Variants in OTOG observed in about 807,000 individuals in gnomAD.
OTOG encodes otogelin.
A neutral mutation model predicts 313.8 loss-of-function variants in OTOG; 296 were observed. The observed-to-expected ratio is 0.94, with a 90% CI of 0.86 to 1.04. The LOEUF is 1.04. Among genes scored for constraint, OTOG ranks in the 50% least tolerant of loss-of-function variants. OTOG has a pLI of 0.00. For synonymous variants in OTOG, 1,533 were observed against 1,554.9 expected, an observed-to-expected ratio of 0.99 and a Z score of 0.33; for missense variants, 3,948 against 3,840.1, an observed-to-expected ratio of 1.03 and a Z score of -0.74.
chr11:17,591,640 C>A lies in OTOG; in HGVS notation c.3006+52C>A, dbSNP rs113025364. 8.3e-4 allele frequency: 1,284 copies of A among 1,542,252 alleles called. 9 individuals carry two copies. In the African/African-American group the frequency reaches 0.015, roughly 18 times the overall value. On this transcript the variant is annotated intron_variant, in intron 25 of 55. Coordinates refer to ENST00000399397, the MANE Select transcript of OTOG (RefSeq NM_001292063.2). ...TTGGCTCCATGCACAGCTGTCAGGG[C>A]ACTCTGGTGCTCTGGACTCCAGTTT...
chr11:17,609,719 A>G lies in OTOG; in HGVS notation c.4419A>G (p.Gln1473=). 1 of 1,539,142 alleles carries G rather than the reference A, an allele frequency of 6.5e-7. No homozygotes were observed. The highest frequency in any genetic ancestry group is 8.8e-7 in the Non-Finnish European group (1 of 1,141,138). ...ALGNETLPPS[Q]GLPTPSDEEP... The stretch of plus-strand genomic sequence containing the variant: ...GCAATGAGACCCTCCCTCCCAGTCA[A>G]GGGTTGCCCACTCCCAGTGATGAGG... The change falls in exon 36 of 56, where the codon CAA becomes CAG. Residue 1473 remains glutamine (Q), a synonymous_variant. Transcript: ENST00000399397.
intron 39 of OTOG, among the ~76,000 whole-genome samples, chr11:17,622,765 T>C (rs1230623683): frequency 6.6e-6 from 1 of 152,268 alleles, no homozygotes; most frequent in Non-Finnish European, 1.5e-5. Context: ...GATGGACATT[T>C]ACATTGCTTC....
chr11:17,586,710 T>A, intron 24 of OTOG, 129 bp downstream of exon 24: 1 of 487,114 alleles, frequency 2.1e-6, no homozygotes, highest in East Asian at 3.6e-5. Context: ...GTTTGTGTGT[T>A]GTGTGTGGTA....
intron 53 of OTOG, 32 bp downstream of exon 53, chr11:17,642,278 G>A: frequency 6.5e-7 from 1 of 1,530,674 alleles, no homozygotes; most frequent in Non-Finnish European, 8.8e-7. Context: ...GAGGCTGTAG[G>A]CCAGGGGCAT....
intron 39 of OTOG, among the ~76,000 whole-genome samples, chr11:17,617,657 A>T (rs1194813338): frequency 6.6e-6 from 1 of 152,322 alleles, no homozygotes; most frequent in Non-Finnish European, 1.5e-5. Context: ...TATGTGCCAT[A>T]TCTAATTCCT....
At chr11:17,588,914 A>C (rs1172305666) in intron 24 of OTOG, among the ~76,000 whole-genome samples, 1 of 151,966 alleles carries the variant, frequency 6.6e-6, no homozygotes, top group African/African-American at 2.4e-5. Context: ...TCAATCCTGC[A>C]ACCCCACAGG....
intron 40 of OTOG, among the ~76,000 whole-genome samples, chr11:17,630,256 C>A (rs899587907): frequency 1.3e-5 from 2 of 152,190 alleles, no homozygotes; most frequent in African/African-American, 4.8e-5. Context: ...CCCACCACCA[C>A]CAACACCATC....
In OTOG at chr11:17,573,307, T is replaced by C. The variant is rs1416250492; in HGVS notation, c.2293+17T>C. 6.0e-6 allele frequency: 9 copies of C among 1,506,992 alleles called. No individual in the cohort carries two copies. Among genetic ancestry groups the C allele is most frequent in the Non-Finnish European group, 8.0e-6 (9 of 1,128,250 alleles). 93.4% of individuals were successfully genotyped at this position (1,506,992 alleles called of 1,614,324 possible). A position where few individuals can be genotyped will look rare whatever the true frequency, so the allele number is the denominator to read the frequency against. On this transcript the variant is annotated intron_variant, in intron 19 of 55. Transcript: ENST00000399397. Reference sequence around the variant, plus strand: ...CAGCCTGTGGTGAGTGCCCCACCCATGTGAGGCTGAGCTGGAGGAGCCAGA... The same window carrying C: ...CAGCCTGTGGTGAGTGCCCCACCCACGTGAGGCTGAGCTGGAGGAGCCAGA...
intron 15 of OTOG, among the ~76,000 whole-genome samples, chr11:17,566,906 T>TC (rs1852303763): frequency 6.6e-6 from 1 of 152,228 alleles, no homozygotes; most frequent in Non-Finnish European, 1.5e-5. Context: ...CATCCTGGGA[T>TC]CCCCTCCTAC....
intron 9 of OTOG, 66 bp from the exon 10 acceptor site, chr11:17,558,472 G>A (rs1852102786): frequency 6.5e-7 from 1 of 1,535,732 alleles, no homozygotes; most frequent in South Asian, 1.2e-5. Context: ...CTCAAGTTGG[G>A]GTTCTGTGTG....
intron 14 of OTOG, 72 bp from the exon 15 acceptor site, chr11:17,561,590 T>C (rs928837362): frequency 6.7e-7 from 1 of 1,491,000 alleles, no homozygotes; most frequent in Non-Finnish European, 9.1e-7. Flanking sequence ...GTCCTCCTCA[T>C]ACTTGGAGCT....
intron 39 of OTOG, among the ~76,000 whole-genome samples, chr11:17,620,566 T>C (rs80349916): frequency 2.0e-5 from 3 of 152,372 alleles, no homozygotes; most frequent in Admixed American, 6.5e-5. Context: ...CTATCTTTTA[T>C]CTTGCTTATT....
In OTOG at chr11:17,631,749, T is replaced by C; in HGVS notation, c.6760T>C (p.Ser2254Pro). The C allele has an allele frequency of 6.4e-7, 1 of 1,550,590 alleles. No homozygotes were observed. The highest frequency in any genetic ancestry group is 8.7e-7 in the Non-Finnish European group (1 of 1,147,002). Residue 2254 changes from serine (S) to proline (P), a missense_variant, in exon 41 of 56, where the codon TCA becomes CCA. By Grantham distance (74) the Ser-to-Pro change is moderately conservative (BLOSUM62 -1). Coordinates refer to ENST00000399397, the MANE Select transcript of OTOG (RefSeq NM_001292063.2). Reference protein sequence around the residue: ...AANDLTLKDGSVVGGAEDPAP... With the variant: ...AANDLTLKDGPVVGGAEDPAP... ...CAATGACCTTACCCTGAAGGATGGC[T>C]CAGTGGTGGGTGGGGCTGAGGACCC...
chr11:17,634,601 A>G lies in OTOG; in HGVS notation c.7481-243A>G, dbSNP rs11024349. On this transcript the variant is annotated intron_variant, in intron 44 of 55. Coordinates refer to ENST00000399397, the MANE Select transcript of OTOG (RefSeq NM_001292063.2). ...CATGAGCTGAAGATCGATCGGGCCC[A>G]TCTTTGGGGTTGCTGTGAGATGGGG... Among the ~76,000 whole-genome samples the G allele has an allele frequency of 0.14, 20,782 of 152,088 alleles. 1,572 individuals are homozygous for G. Among genetic ancestry groups the G allele is most frequent in the Non-Finnish European group, 0.18 (12,115 of 67,958 alleles).
intron 39 of OTOG, among the ~76,000 whole-genome samples, chr11:17,621,049 C>T (rs958817689): frequency 2.0e-5 from 3 of 152,068 alleles, no homozygotes; most frequent in South Asian, 4.1e-4. Context: ...TTTGTATTTC[C>T]TTGTCTACCG....
intron 8 of OTOG, 50 bp downstream of exon 8, chr11:17,557,373 C>A: frequency 6.6e-7 from 1 of 1,516,962 alleles, no homozygotes; most frequent in Non-Finnish European, 8.9e-7. Flanking sequence ...GGATGGGGGA[C>A]AGGTCAGGCT....
intron 15 of OTOG, among the ~76,000 whole-genome samples, chr11:17,567,617 T>C (rs760030521): frequency 1.3e-5 from 2 of 152,206 alleles, no homozygotes; most frequent in African/African-American, 2.4e-5. Flanking sequence ...GGACTGGAGT[T>C]ACAGGCGTAA....
chr11:17,613,229 TTC>T (rs1199609997), intron 38 of OTOG, among the ~76,000 whole-genome samples: 1 of 134,686 alleles, frequency 7.4e-6, no homozygotes, highest in African/African-American at 3.0e-5. Flanking sequence ...CTTTCTTTCT[TTC>T]TTTCTTTCTT....
At chr11:17,620,062 G>A (rs1022836246) in intron 39 of OTOG, among the ~76,000 whole-genome samples, 11 of 152,072 alleles carry the variant, frequency 7.2e-5, no homozygotes, top group African/African-American at 2.4e-4. Context: ...TTTATAAGAC[G>A]TTGCTCCTGT....
Sources: allele counts gnomAD v4.1 joint callset (sites outside exome capture counted in the v4.1 genomes callset), GRCh38; gene constraint gnomAD v4.1.1; transcripts MANE v1.5; gene names NCBI Gene and HGNC (gene_info 2026-07-23, HGNC 2026-07-21).